SEC61A2: variants seen among roughly 807,000 people sequenced by gnomAD.
SEC61A2 encodes the protein SEC61 translocon subunit alpha 2.
SEC61A2 carries 28 observed loss-of-function variants against 59.9 expected under a neutral mutation model. The observed-to-expected ratio is 0.47, with a 90% CI of 0.35 to 0.64. The LOEUF (loss-of-function observed/expected upper bound fraction) is 0.64. SEC61A2 is among the 30% of genes least tolerant of loss of function. SEC61A2 has a pLI of 0.01. For missense variants in SEC61A2, 340 were observed against 585.9 expected (o/e 0.58, Z 4.33); for synonymous variants, 202 against 214.4 (o/e 0.94, Z 0.50).
chr10:12,131,635 C>G (rs541051403), intron 1 of SEC61A2, among the ~76,000 whole-genome samples: 3 of 139,080 alleles, frequency 2.2e-5, no homozygotes, highest in African/African-American at 7.8e-5. Context: ...GGGAGAGTAA[C>G]TAGGCAATGA....
Position 12,143,300 on chromosome 10 carries a change from A to G in SEC61A2, c.220+105A>G. The G allele has an allele frequency of 1.2e-6, 1 of 826,706 alleles. No individual in the cohort carries two copies. The highest frequency in any genetic ancestry group is 2.1e-6 in the Non-Finnish European group (1 of 475,820). The allele number at this position is 826,706 out of a possible 1,614,324, so 51.2% of individuals were successfully genotyped here. On this transcript the variant is annotated intron_variant, in intron 4 of 11. Transcript: ENST00000298428. This position sits in a 1 kb window ranked among gnomAD's most constrained non-coding sequence, Gnocchi z 4.8. ...TGTCTACAGGGAGGGGGAGGATATC[A>G]TTGCCTAGAAAAGCCTAGTATGTAG... is the stretch of plus-strand genomic sequence containing the variant.
intron 3 of SEC61A2, 114 bp downstream of exon 3, chr10:12,136,284 G>T (rs1833881988): frequency 3.2e-6 from 2 of 621,326 alleles, no homozygotes; most frequent in African/African-American, 3.8e-5. Flanking sequence ...TCAATATATT[G>T]AGCATTATTA....
chr10:12,158,926 C>G lies in SEC61A2; in HGVS notation c.975+821C>G, dbSNP rs1834467704. On this transcript the variant is annotated intron_variant, in intron 9 of 11. Transcript: ENST00000298428. This position sits in a 1 kb window ranked among gnomAD's most constrained non-coding sequence, Gnocchi z 5.7. ...CTAGACGGTAGAGACAGCGGTGCTG[C>G]TAGTAATATAATCCTATACATTCTC... is the stretch of plus-strand genomic sequence containing the variant. Among the ~76,000 whole-genome samples, 1 of 151,644 alleles carries G rather than the reference C, an allele frequency of 6.6e-6. No individual in the cohort carries two copies. Among genetic ancestry groups the G allele is most frequent in the South Asian group, 2.1e-4 (1 of 4,810 alleles).
intron 11 of SEC61A2, among the ~76,000 whole-genome samples, chr10:12,163,087 C>T (rs980776404): frequency 2.0e-5 from 3 of 152,092 alleles, no homozygotes; most frequent in Non-Finnish European, 4.4e-5. Flanking sequence ...CAGCTGTCTT[C>T]CAGGTTGGCT....
rs1400584602 is a variant in SEC61A2 at position 12,153,483 on chromosome 10, C to G, written c.463-2295C>G. Among the ~76,000 whole-genome samples the G allele has an allele frequency of 6.6e-6, 1 of 152,144 alleles. No homozygotes were observed. Among genetic ancestry groups the G allele is most frequent in the Non-Finnish European group, 1.5e-5 (1 of 68,030 alleles). ...AGCCAGCTAGCTACAGGATTGACTTCTTACAGAGTCAGTTATGGATTGAAA... is the reference window on the plus strand; with the variant it reads ...AGCCAGCTAGCTACAGGATTGACTTGTTACAGAGTCAGTTATGGATTGAAA... On this transcript the variant is annotated intron_variant, in intron 6 of 11. Transcript: ENST00000298428. The surrounding 1 kb of genome is among the most constrained non-coding windows in gnomAD (Gnocchi z 5.2).
At position 12,142,264 on chromosome 10, in the gene SEC61A2, A is replaced by G. The variant is rs1324143046; in HGVS notation, c.142-853A>G. The stretch of plus-strand genomic sequence containing the variant: ...GCAGAAGTCAACATGGTAGATTAGC[A>G]TCCAAGATGGAGTCACTTTGGTCTC... On this transcript the variant is annotated intron_variant, in intron 3 of 11. Coordinates refer to ENST00000298428, the MANE Select transcript of SEC61A2 (RefSeq NM_018144.4). This position sits in a 1 kb window ranked among gnomAD's most constrained non-coding sequence, Gnocchi z 5.4. 1.3e-5 allele frequency among the ~76,000 whole-genome samples: 2 copies of G among 152,178 alleles called. No homozygotes were observed. The highest frequency in any genetic ancestry group is 4.8e-5 in the African/African-American group (2 of 41,452).
At chr10:12,157,428 C>T (rs904832067) in intron 8 of SEC61A2, among the ~76,000 whole-genome samples, 1 of 151,262 alleles carries the variant, frequency 6.6e-6, no homozygotes, top group Admixed American at 6.6e-5. Context: ...CTCCTCTTCC[C>T]GAGTTCAAGT....
At position 12,164,713 on chromosome 10, in the gene SEC61A2, C is replaced by A; in HGVS notation, c.*259C>A. On this transcript the variant is annotated 3_prime_UTR_variant, in exon 12 of 12. Coordinates refer to ENST00000298428, the MANE Select transcript of SEC61A2 (RefSeq NM_018144.4). This position sits in a 1 kb window ranked among gnomAD's most constrained non-coding sequence, Gnocchi z 7.3. ...TAATGCTGGAAACCAGTGTATCTAC[C>A]TTGCTGTGTTAAATCATGACAGTGA... 8.1e-7 allele frequency: 1 copy of A among 1,241,448 alleles called. No individual in the cohort carries two copies. Among genetic ancestry groups the A allele is most frequent in the Non-Finnish European group, 1.0e-6 (1 of 991,354 alleles). 76.9% of individuals were successfully genotyped at this position (1,241,448 alleles called of 1,614,324 possible). A position where few individuals can be genotyped will look rare whatever the true frequency, so the allele number is the denominator to read the frequency against.
At chr10:12,135,419 AT>A (rs1220124663) in intron 2 of SEC61A2, among the ~76,000 whole-genome samples, 16 of 151,954 alleles carry the variant, frequency 1.1e-4, no homozygotes, top group African/African-American at 3.9e-4. Context: ...GTAAAAGTAG[AT>A]TTAAAAAAAT....
intron 4 of SEC61A2, among the ~76,000 whole-genome samples, chr10:12,144,753 A>G (rs1348011164): frequency 1.3e-5 from 2 of 152,132 alleles, no homozygotes; most frequent in East Asian, 1.9e-4. Flanking sequence ...GGTGTGTTCA[A>G]AGATCATTGA....
chr10:12,167,460 A>G, downstream of SEC61A2: 1 of 410,608 alleles, frequency 2.4e-6, no homozygotes, highest in South Asian at 2.7e-5. Context: ...GCTTTAAAAA[A>G]ATTGGAGTAA....
At chr10:12,167,873 C>T, downstream of SEC61A2, 1 of 1,603,634 alleles carries the variant, frequency 6.2e-7, no homozygotes, top group Non-Finnish European at 8.5e-7. Context: ...ACATCTTATT[C>T]AATCAGTGTT....
downstream of SEC61A2, chr10:12,169,900 G>C (rs1834815283): frequency 2.1e-6 from 1 of 479,000 alleles, no homozygotes; most frequent in African/African-American, 1.9e-5. This position sits in a 1 kb window ranked among gnomAD's most constrained non-coding sequence, Gnocchi z 4.8. Flanking sequence ...AAAAACAGTA[G>C]AAAAATCAGT....
chr10:12,158,088 T>G lies in SEC61A2; in HGVS notation c.958T>G (p.Leu320Val), dbSNP rs146827112. ...VRFSGNFLVN[L>V]LGQWADVSGG... The stretch of plus-strand genomic sequence containing the variant: ...ATTTAGTGGCAACTTTTTAGTAAAT[T>G]TACTAGGACAGTGGGCCGTGAGTAT... The change falls in exon 9 of 12, where the codon TTA (leucine) becomes GTA (valine). Residue 320 changes from leucine to valine, a missense_variant. Physicochemically the swap from Leu to Val is conservative, Grantham distance 32. Around this residue, in one of 3 missense-constraint regions of SEC61A2, gnomAD observed 283 missense variants for 483.2 expected, o/e 0.59. Transcript: ENST00000298428. The surrounding 1 kb of genome is among the most constrained non-coding windows in gnomAD (Gnocchi z 5.7). 225 of 1,613,174 alleles carry G rather than the reference T, an allele frequency of 1.4e-4. No homozygotes were observed. The East Asian group carries it at 4.7e-3, about 34-fold the overall frequency.
chr10:12,133,002 C>G (rs1282141736), intron 1 of SEC61A2, among the ~76,000 whole-genome samples: 2 of 152,110 alleles, frequency 1.3e-5, no homozygotes, highest in African/African-American at 4.8e-5. Context: ...AAAAAGGTTG[C>G]TTGGATTGCT....
intron 2 of SEC61A2, among the ~76,000 whole-genome samples, chr10:12,134,916 C>G (rs1833851099): frequency 6.9e-6 from 1 of 144,448 alleles, no homozygotes; most frequent in Non-Finnish European, 1.5e-5. Flanking sequence ...GAGACTCTGT[C>G]TCAAAAAAAA....
chr10:12,136,337 C>G (rs1833883285), intron 3 of SEC61A2, among the ~76,000 whole-genome samples, 167 bp downstream of exon 3: 1 of 152,154 alleles, frequency 6.6e-6, no homozygotes. Flanking sequence ...GAGATGGAGT[C>G]TCACTCTGTT....
rs1417585482 is a variant in SEC61A2, at chr10:12,129,739, A to G, written c.-49A>G. On this transcript the variant is annotated 5_prime_UTR_variant, in exon 1 of 12. Transcript: ENST00000298428. The surrounding 1 kb of genome is among the most constrained non-coding windows in gnomAD (Gnocchi z 5.6). ...GGCCCGAGCCGCGGGAGTCGAGCGAAGGCAGCGCCGAGGCCGCGGTTTCCC... is the reference window on the plus strand; with the variant it reads ...GGCCCGAGCCGCGGGAGTCGAGCGAGGGCAGCGCCGAGGCCGCGGTTTCCC... 1.3e-6 allele frequency: 2 copies of G among 1,485,378 alleles called. No homozygotes were observed. The highest frequency in any genetic ancestry group is 1.8e-6 in the Non-Finnish European group (2 of 1,122,360). The allele number at this position is 1,485,378 out of a possible 1,614,324, so 92.0% of individuals were successfully genotyped here.
In SEC61A2 at chr10:12,157,954, A is replaced by G. The variant is rs754905182; in HGVS notation, c.824A>G (p.Gln275Arg). 5.6e-6 allele frequency: 9 copies of G among 1,614,104 alleles called. No homozygotes were observed. Among genetic ancestry groups the G allele is most frequent in the South Asian group, 2.2e-5 (2 of 91,084 alleles). ...ATTAAGTCGGCCCGTTACCGAGGACAGTACAGCAGCTACCCCATCAAACTC... is the reference window on the plus strand; with the variant it reads ...ATTAAGTCGGCCCGTTACCGAGGACGGTACAGCAGCTACCCCATCAAACTC... ...LPIKSARYRG[Q>R]YSSYPIKLFY... Residue 275 changes from glutamine (Q) to arginine (R), a missense_variant, in exon 9 of 12, where the codon CAG (glutamine) becomes CGG (arginine). This residue lies in a region of SEC61A2 where 283 missense variants were observed against 483.2 expected (regional missense o/e 0.59). Transcript: ENST00000298428.
Sources: gnomAD v4.1 joint callset for allele counts (sites outside exome capture counted in the v4.1 genomes callset) on GRCh38, gnomAD v4.1.1 for gene constraint, gnomAD v4.1.1 regional missense constraint, Gnocchi (gnomAD v3.1) non-coding constraint, MANE v1.5 for transcripts, NCBI Gene and HGNC (gene_info 2026-07-23, HGNC 2026-07-21) for gene names.